Variants in SFTPA1 observed in about 807,000 individuals in gnomAD.
SFTPA1 encodes surfactant protein A1.
In SFTPA1, 13 loss-of-function variants were observed where a neutral mutation model predicts 19.1. The ratio of observed to expected loss-of-function variants is 0.68; its 90% CI spans 0.44 to 1.08. SFTPA1 has a LOEUF of 1.08. Ranked by LOEUF, SFTPA1 falls within the 50% of genes least tolerant of loss-of-function variation. The pLI is 0.00. For synonymous variants in SFTPA1, 101 were observed against 117.0 expected (o/e 0.86, Z 0.88); for missense variants, 259 against 316.4 (o/e 0.82, Z 1.38).
chr10:79,611,374 TGG>T lies in SFTPA1; in HGVS notation c.-38_-37del. The T allele has an allele frequency of 3.6e-6, 2 of 551,118 alleles. No homozygotes were observed. 34.1% of individuals were successfully genotyped at this position (551,118 alleles called of 1,614,324 possible). On this transcript the variant is annotated 5_prime_UTR_variant, in exon 2 of 6. It removes an upstream start codon present in the reference 5' UTR. Coordinates refer to ENST00000398636, the MANE Select transcript of SFTPA1 (RefSeq NM_005411.5). ...GTAACACAGCAGGGATGAGGACAGATGGTGTGAGTCAGTGAGTGAGTGACCTG... is the reference window on the plus strand; with the variant it reads ...GTAACACAGCAGGGATGAGGACAGATTGTGAGTCAGTGAGTGAGTGACCTG...
rs536791427 is a variant in SFTPA1 at position 79,611,699 on chromosome 10, G to A, written c.-23-104G>A. On this transcript the variant is annotated intron_variant, in intron 2 of 5. Transcript: ENST00000398636. The stretch of plus-strand genomic sequence containing the variant: ...TCTTCCCAGCACTCTGGTCTCGCCC[G>A]CCCTGCCTCTCGGGCTCTGCCCAGC... The A allele has an allele frequency of 3.7e-6, 6 of 1,602,482 alleles. No homozygotes were observed. In the African/African-American group the frequency reaches 5.4e-5, roughly 14 times the overall value.
chr10:79,613,140 G>T (rs754776657), intron 4 of SFTPA1, 49 bp from the exon 5 acceptor site: 5 of 1,613,590 alleles, frequency 3.1e-6, no homozygotes, highest in Non-Finnish European at 4.2e-6. Context: ...GCAGCAAGTG[G>T]GAGTCTTCAC....
chr10:79,611,317 A>C lies in SFTPA1; in HGVS notation c.-94-2A>C. 1 of 374,588 alleles carries C rather than the reference A, an allele frequency of 2.7e-6. No individual in the cohort carries two copies. The highest frequency in any genetic ancestry group is 4.8e-6 in the Non-Finnish European group (1 of 206,264). 23.2% of individuals were successfully genotyped at this position (374,588 alleles called of 1,614,324 possible). ...GCCCCGTTCATCTTTTTTCATTCTCAGGTCGCTGATTTCTTGGAGCCTGAA... is the reference window on the plus strand; with the variant it reads ...GCCCCGTTCATCTTTTTTCATTCTCCGGTCGCTGATTTCTTGGAGCCTGAA... On this transcript the variant is annotated splice_acceptor_variant, in intron 1 of 5. Coordinates refer to ENST00000398636, the MANE Select transcript of SFTPA1 (RefSeq NM_005411.5). LOFTEE classifies it low-confidence loss of function (5UTR_SPLICE).
Position 79,613,928 on chromosome 10 carries a change from G to A in SFTPA1, c.562G>A (p.Gly188Ser). The A allele has an allele frequency of 1.2e-6, 2 of 1,614,068 alleles. No individual in the cohort carries two copies. Among genetic ancestry groups the A allele is most frequent in the African/African-American group, 2.7e-5 (2 of 75,050 alleles). The change falls in exon 6 of 6, where the codon GGC becomes AGC. Residue 188 changes from glycine to serine, a missense_variant. By Grantham distance (56) the Gly-to-Ser change is moderately conservative. Coordinates refer to ENST00000398636, the MANE Select transcript of SFTPA1 (RefSeq NM_005411.5). ...GAAGTACAACACATATGCCTATGTA[G>A]GCCTGACTGAGGGTCCCAGCCCTGG... ...VKKYNTYAYV[G>S]LTEGPSPGDF...
intron 3 of SFTPA1, 35 bp from the exon 4 acceptor site, chr10:79,612,277 C>T: frequency 6.2e-7 from 1 of 1,613,780 alleles, no homozygotes; most frequent in Non-Finnish European, 8.5e-7. Context: ...TTGTGGGTGA[C>T]AGATCCTACA....
intron 2 of SFTPA1, 103 bp downstream of exon 2, chr10:79,611,492 A>C: frequency 7.8e-7 from 1 of 1,275,970 alleles, no homozygotes; most frequent in East Asian, 2.5e-5. Context: ...TCCCAGGGTA[A>C]CATAGTGAGG....
chr10:79,612,763 C>A (rs4253597), intron 4 of SFTPA1, among the ~76,000 whole-genome samples: 2 of 152,042 alleles, frequency 1.3e-5, no homozygotes, highest in Non-Finnish European at 2.9e-5. Flanking sequence ...AGGGTGAATG[C>A]GGACGAGGCA....
At chr10:79,611,638 C>A (rs754357589) in intron 2 of SFTPA1, 165 bp from the exon 3 acceptor site, 5 of 1,553,758 alleles carry the variant, frequency 3.2e-6, no homozygotes, top group Non-Finnish European at 4.4e-6. Flanking sequence ...ATGCCAGGTG[C>A]CAGGTGATGC....
intron 1 of SFTPA1, among the ~76,000 whole-genome samples, 158 bp downstream of exon 1, chr10:79,611,140 T>C (rs1020324172): frequency 7.9e-5 from 12 of 152,170 alleles, no homozygotes; most frequent in African/African-American, 2.9e-4. Context: ...TCAACATAGG[T>C]GACCTGCAAA....
chr10:79,613,373 A>G, intron 5 of SFTPA1, 107 bp downstream of exon 5: 1 of 1,527,448 alleles, frequency 6.5e-7, no homozygotes, highest in Non-Finnish European at 9.1e-7. Flanking sequence ...ATGCACATGC[A>G]GGTCTTGGGG....
At position 79,611,405 on chromosome 10, in the gene SFTPA1, AAT is replaced by A; in HGVS notation, c.-24+18_-24+19del. 1 of 621,396 alleles carries A rather than the reference AAT, an allele frequency of 1.6e-6. No homozygotes were observed. The highest frequency in any genetic ancestry group is 2.6e-4 in the Middle Eastern group (1 of 3,914). 38.5% of individuals were successfully genotyped at this position (621,396 alleles called of 1,614,324 possible). On this transcript the variant is annotated intron_variant, in intron 2 of 5. Transcript: ENST00000398636. ...GAGTCAGTGAGTGAGTGACCTGACTAATAGCCTGGGAGGGACAGGGCAGGTTT... is the reference window on the plus strand; with the variant it reads ...GAGTCAGTGAGTGAGTGACCTGACTAAGCCTGGGAGGGACAGGGCAGGTTT...
intron 4 of SFTPA1, among the ~76,000 whole-genome samples, chr10:79,612,662 T>C (rs922296911): frequency 2.0e-5 from 3 of 151,832 alleles, no homozygotes; most frequent in Non-Finnish European, 4.4e-5. Flanking sequence ...TGACCACCGA[T>C]GGGGACACAC....
At chr10:79,612,194 C>CTCATAT in intron 3 of SFTPA1, 118 bp from the exon 4 acceptor site, 1 of 1,606,176 alleles carries the variant, frequency 6.2e-7, no homozygotes, top group Admixed American at 1.7e-5. Context: ...CTCATAGTGC[C>CTCATAT]CACGGAGTGA....
rs1059047 is a variant in SFTPA1, at chr10:79,611,881, T to C, written c.56T>C (p.Val19Ala). The C allele has an allele frequency of 0.087, 124,167 of 1,431,716 alleles. 6,584 individuals carry two copies. Among genetic ancestry groups the C allele is most frequent in the Admixed American group, 0.24 (12,806 of 54,158 alleles). The allele number at this position is 1,431,716 out of a possible 1,614,324, so 88.7% of individuals were successfully genotyped here. Reference protein sequence around the residue: ...NLILMAASGAVCEVKDVCVGS... With the variant: ...NLILMAASGAACEVKDVCVGS... ...ATCTTGATGGCAGCCTCTGGTGCTG[T>C]GTGCGAAGTGAAGGACGTTTGTGTT... is the stretch of plus-strand genomic sequence containing the variant. Residue 19 changes from valine to alanine, a missense_variant, in exon 3 of 6, where the codon GTG becomes GCG. Physicochemically the swap from Val to Ala is moderately conservative, Grantham distance 64 (BLOSUM62 0). Coordinates refer to ENST00000398636, the MANE Select transcript of SFTPA1 (RefSeq NM_005411.5).
At chr10:79,612,644 G>T (rs1384556299) in intron 4 of SFTPA1, among the ~76,000 whole-genome samples, 4 of 152,084 alleles carry the variant, frequency 2.6e-5, no homozygotes, top group Non-Finnish European at 5.9e-5. Flanking sequence ...GAAGTCCTCC[G>T]TGCCTCATGA....
rs1448531215 is a variant in SFTPA1 at position 79,615,006 on chromosome 10, G to T, written c.*893G>T. On this transcript the variant is annotated 3_prime_UTR_variant, in exon 6 of 6. Transcript: ENST00000398636. ...TAGGATATGTCGTGGGGTGGGCAAG[G>T]TAATCAGTGACAGTTGAAGATTTTT... 1.5e-6 allele frequency: 2 copies of T among 1,305,168 alleles called. No individual in the cohort carries two copies. The highest frequency in any genetic ancestry group is 2.3e-5 in the Admixed American group (1 of 43,542). 80.8% of individuals were successfully genotyped at this position (1,305,168 alleles called of 1,614,324 possible).
Position 79,614,355 on chromosome 10 carries a change from T to C in SFTPA1, c.*242T>C, listed in dbSNP as rs1282029629. The C allele has an allele frequency of 1.7e-5, 11 of 646,362 alleles. No individual in the cohort carries two copies. The highest frequency in any genetic ancestry group is 2.6e-5 in the Non-Finnish European group (10 of 382,692). 40.0% of individuals were successfully genotyped at this position (646,362 alleles called of 1,614,324 possible). A position where few individuals can be genotyped will look rare whatever the true frequency, so the allele number is the denominator to read the frequency against. On this transcript the variant is annotated 3_prime_UTR_variant, in exon 6 of 6. Coordinates refer to ENST00000398636, the MANE Select transcript of SFTPA1 (RefSeq NM_005411.5). ...CCAGCACTGCACCCCAGGCAGCCACTCTTAGCCTTGGCCTTCGACATGAGA... is the reference window on the plus strand; with the variant it reads ...CCAGCACTGCACCCCAGGCAGCCACCCTTAGCCTTGGCCTTCGACATGAGA...
intron 4 of SFTPA1, among the ~76,000 whole-genome samples, chr10:79,612,785 G>C (rs568732789): frequency 3.3e-5 from 5 of 152,134 alleles, no homozygotes; most frequent in Non-Finnish European, 5.9e-5. Flanking sequence ...CCAGACAGAC[G>C]GTGTGATCAG....
In SFTPA1 at chr10:79,614,457, A is replaced by T. The variant is rs1860050105; in HGVS notation, c.*344A>T. The T allele has an allele frequency of 3.0e-6, 1 of 328,390 alleles. No homozygotes were observed. Among genetic ancestry groups the T allele is most frequent in the Non-Finnish European group, 5.9e-6 (1 of 168,760 alleles). The allele number at this position is 328,390 out of a possible 1,614,324, so 20.3% of individuals were successfully genotyped here. A position where few individuals can be genotyped will look rare whatever the true frequency, so the allele number is the denominator to read the frequency against. ...AGCAGTGAGGTCTTGGGGTAGAAGG[A>T]CCCTCCAAAGTCACACAAAGTGCCT... is the stretch of plus-strand genomic sequence containing the variant. On this transcript the variant is annotated 3_prime_UTR_variant, in exon 6 of 6. Transcript: ENST00000398636.
Sources: allele counts gnomAD v4.1 joint callset (sites outside exome capture counted in the v4.1 genomes callset), GRCh38; gene constraint gnomAD v4.1.1; transcripts MANE v1.5; gene names NCBI Gene and HGNC (gene_info 2026-07-23, HGNC 2026-07-21).